ADAR: variants seen among roughly 807,000 people sequenced by gnomAD.
ADAR encodes double-stranded RNA-specific adenosine deaminase.
In ADAR, 41 loss-of-function variants were observed where a neutral mutation model predicts 113.2. The ratio of observed to expected loss-of-function variants is 0.36; its 90% CI spans 0.28 to 0.47. ADAR has a LOEUF of 0.47. Among genes scored for constraint, ADAR ranks in the 20% least tolerant of loss-of-function variants. ADAR has a pLI of 1.00. For missense variants in ADAR, 1,242 were observed against 1,540.9 expected, an observed-to-expected ratio of 0.81 and a Z score of 3.25; for synonymous variants, 605 against 572.6, an observed-to-expected ratio of 1.06 and a Z score of -0.81.
At chr1:154,598,982 C>T (rs1557882739) in intron 2 of ADAR, among the ~76,000 whole-genome samples, 2 of 152,208 alleles carry the variant, frequency 1.3e-5, no homozygotes, top group Non-Finnish European at 2.9e-5. Context: ...CTGGCCTCCT[C>T]AAGGGAGGGT....
chr1:154,584,986 C>T lies in ADAR; in HGVS notation c.3501G>A (p.Lys1167=). 2 of 1,614,158 alleles carry T rather than the reference C, an allele frequency of 1.2e-6. No individual in the cohort carries two copies. Among genetic ancestry groups the T allele is most frequent in the Non-Finnish European group, 1.7e-6 (2 of 1,180,048 alleles). The part of the protein sequence containing the change: ...SKKNIFLLFK[K]LCSFRYRRDL... ...CCCTGCGGTAACGGAAGGAGCAGAG[C>T]TTCTTAAATAGAAGAAAAATGTTCT... Residue 1167 remains lysine (K), a synonymous_variant, in exon 15 of 15, where the codon AAG becomes AAA. Coordinates refer to ENST00000368474, the MANE Select transcript of ADAR (RefSeq NM_001111.5).
chr1:154,586,257 G>C lies in ADAR; in HGVS notation c.3126C>G (p.Arg1042=). 1 of 1,614,230 alleles carries C rather than the reference G, an allele frequency of 6.2e-7. No homozygotes were observed. The highest frequency in any genetic ancestry group is 8.5e-7 in the Non-Finnish European group (1 of 1,180,048). Residue 1042 remains arginine (R), a synonymous_variant, in exon 12 of 15, where the codon CGC becomes CGG. Transcript: ENST00000368474. Reference sequence around the variant, plus strand: ...CCCCTTGCAGGCCCAGCACGTTCCAGCGTAGGATTTTGTCACTACAGGACA... The same window carrying C: ...CCCCTTGCAGGCCCAGCACGTTCCACCGTAGGATTTTGTCACTACAGGACA... The part of the protein sequence containing the change: ...RTMSCSDKIL[R]WNVLGLQGAL...
intron 10 of ADAR, 141 bp from the exon 11 acceptor site, chr1:154,588,399 G>T: frequency 6.7e-7 from 1 of 1,484,276 alleles, no homozygotes; most frequent in Non-Finnish European, 9.3e-7. Context: ...AGCAGTACAT[G>T]TGAGTCATCT....
At chr1:154,599,601 A>G (rs956195277) in intron 2 of ADAR, among the ~76,000 whole-genome samples, 1 of 152,100 alleles carries the variant, frequency 6.6e-6, no homozygotes, top group African/African-American at 2.4e-5. Flanking sequence ...AGGAATCTAC[A>G]CCCCTAGAAA....
intron 6 of ADAR, among the ~76,000 whole-genome samples, chr1:154,591,712 G>A (rs538033800): frequency 5.3e-5 from 8 of 152,340 alleles, no homozygotes; most frequent in Admixed American, 3.9e-4. Flanking sequence ...ATATAACAGA[G>A]GCTTCAGTTT....
chr1:154,585,518 G>T, intron 13 of ADAR, 174 bp from the exon 14 acceptor site: 1 of 969,162 alleles, frequency 1.0e-6, no homozygotes, highest in Non-Finnish European at 1.6e-6. Flanking sequence ...ACTCCACCTC[G>T]ATTCAGATTA....
chr1:154,627,095 G>A (rs1698961336), intron 1 of ADAR, among the ~76,000 whole-genome samples: 1 of 152,126 alleles, frequency 6.6e-6, no homozygotes. Flanking sequence ...TTGCATACTT[G>A]GGCTCCTCCA....
In ADAR at chr1:154,597,111, A is replaced by C; in HGVS notation, c.2079+12T>G. 5 of 1,614,214 alleles carry C rather than the reference A, an allele frequency of 3.1e-6. No individual in the cohort carries two copies. Among genetic ancestry groups the C allele is most frequent in the Non-Finnish European group, 4.2e-6 (5 of 1,180,040 alleles). On this transcript the variant is annotated intron_variant, in intron 5 of 14. Transcript: ENST00000368474. ...AAATGACCTGTATCTTTTGAGTAGG[A>C]AAACGCCCTACCTGGTTATCAGAAG...
chr1:154,626,591 A>G (rs1199940674), intron 1 of ADAR, among the ~76,000 whole-genome samples: 2 of 152,236 alleles, frequency 1.3e-5, no homozygotes, highest in African/African-American at 4.8e-5. Flanking sequence ...CAGCTGTACC[A>G]ATAGGAAACC....
rs371450928 is a variant in ADAR at position 154,589,363 on chromosome 1, G to A, written c.2762+6C>T. On this transcript the variant is annotated splice_donor_region_variant and intron_variant, in intron 9 of 14. Coordinates refer to ENST00000368474, the MANE Select transcript of ADAR (RefSeq NM_001111.5). ...GCAGCCGGGCCACAGCTCTGACCTCGCTCACCTGATGAAGCCTCTCCGGGA... is the reference window on the plus strand; with the variant it reads ...GCAGCCGGGCCACAGCTCTGACCTCACTCACCTGATGAAGCCTCTCCGGGA... 149 of 1,613,076 alleles carry A rather than the reference G, an allele frequency of 9.2e-5. No homozygotes were observed. Among genetic ancestry groups the A allele is most frequent in the Middle Eastern group, 6.7e-4 (4 of 5,944 alleles).
At position 154,582,625 on chromosome 1, in the gene ADAR, T is replaced by C. The variant is rs1300980072; in HGVS notation, c.*2181A>G. On this transcript the variant is annotated 3_prime_UTR_variant, in exon 15 of 15. Coordinates refer to ENST00000368474, the MANE Select transcript of ADAR (RefSeq NM_001111.5). ...TCTTGGGGGTGAGTGGGGGTTCTGA[T>C]CTTGTGAGAGCCTGTGTTCCCAGTT... 6.5e-6 allele frequency: 1 copy of C among 152,678 alleles called. No homozygotes were observed. The highest frequency in any genetic ancestry group is 1.5e-5 in the Non-Finnish European group (1 of 68,510). The allele number at this position is 152,678 out of a possible 1,614,324, so 9.5% of individuals were successfully genotyped here. A position where few individuals can be genotyped will look rare whatever the true frequency, so the allele number is the denominator to read the frequency against.
intron 6 of ADAR, among the ~76,000 whole-genome samples, chr1:154,596,060 G>A (rs936066616): frequency 4.6e-5 from 7 of 152,142 alleles, no homozygotes; most frequent in African/African-American, 1.7e-4. Flanking sequence ...ACGTGTGTAG[G>A]AGCCCATGCC....
chr1:154,602,060 C>T lies in ADAR; in HGVS notation c.582G>A (p.Leu194=), dbSNP rs762045154. Residue 194 remains leucine, a synonymous_variant, in exon 2 of 15, where the codon TTG becomes TTA. Transcript: ENST00000368474. ...CCTGAGTGGAGACCGCGATTTTCCA[C>T]AAAGGGGGTGTTCCTGCCTCTTTCT... ...KLQKEAGTPP[L]WKIAVSTQAW... 1.1e-4 allele frequency: 171 copies of T among 1,614,128 alleles called. No individual in the cohort carries two copies. The highest frequency in any genetic ancestry group is 1.3e-4 in the Non-Finnish European group (155 of 1,180,052).
At chr1:154,626,510 C>T (rs1698942710) in intron 1 of ADAR, among the ~76,000 whole-genome samples, 1 of 152,156 alleles carries the variant, frequency 6.6e-6, no homozygotes, top group African/African-American at 2.4e-5. Flanking sequence ...ACTACCACCC[C>T]CAAGTCTGCA....
chr1:154,612,318 GTTTTTTTTTTTTT>G (rs55714254), upstream of ADAR, among the ~76,000 whole-genome samples: 7 of 69,178 alleles, frequency 1.0e-4, no homozygotes, highest in African/African-American at 2.5e-4. Flanking sequence ...AAATTACTCA[GTTTTTTTTTTTTT>G]TTTTTTTTTT....
At chr1:154,627,918 T>TCCCCCCCCCCCCCCC in exon 1 of ADAR, 9 of 399,602 alleles carry the variant, frequency 2.3e-5, no homozygotes, top group South Asian at 3.3e-5. Context: ...GCCGCGACCC[T>TCCCCCCCCCCCCCCC]CCCCCCACCC....
chr1:154,584,285 CCT>C lies in ADAR; in HGVS notation c.*519_*520del, dbSNP rs16361. 0.3 allele frequency: 46,097 copies of C among 155,928 alleles called. 6,862 individuals are homozygous for C. The highest frequency in any genetic ancestry group is 0.31 in the African/African-American group (12,965 of 41,446). 9.7% of individuals were successfully genotyped at this position (155,928 alleles called of 1,614,324 possible). On this transcript the variant is annotated 3_prime_UTR_variant, in exon 15 of 15. Transcript: ENST00000368474. ...TGTTTCACCAAATCCTTTATGTTCA[CCT>C]CTTTGCCCTCTGAGGGGGAAAAGGA...
Position 154,598,449 on chromosome 1 carries a change from T to G in ADAR, c.1738A>C (p.Lys580Gln). ...GAATAGTGGGATGATTCTTCTGATT[T>G]TCCACTGTCCTTGGCTTTGGCTTCC... ...LEEAKAKDSG[K>Q]SEESSHYSTE... Residue 580 changes from lysine to glutamine, a missense_variant, in exon 3 of 15, where the codon AAA (lysine) becomes CAA (glutamine). Transcript: ENST00000368474. The G allele has an allele frequency of 6.2e-7, 1 of 1,614,222 alleles. No homozygotes were observed. Among genetic ancestry groups the G allele is most frequent in the Non-Finnish European group, 8.5e-7 (1 of 1,180,038 alleles).
chr1:154,621,352 C>A (rs939675943), intron 1 of ADAR, among the ~76,000 whole-genome samples: 2 of 151,398 alleles, frequency 1.3e-5, no homozygotes, highest in African/African-American at 2.4e-5. Flanking sequence ...CAAAAGAAAT[C>A]AAAAAGAATA....
Sources: allele counts gnomAD v4.1 joint callset (sites outside exome capture counted in the v4.1 genomes callset), GRCh38; gene constraint gnomAD v4.1.1; transcripts MANE v1.5; gene names NCBI Gene and HGNC (gene_info 2026-07-23, HGNC 2026-07-21).